Variants in RGS9 observed in about 807,000 individuals in gnomAD.
The protein encoded by RGS9 is regulator of G-protein signalling 9.
In RGS9, 78 loss-of-function variants were observed where a neutral mutation model predicts 102.0. That is an observed-to-expected ratio of 0.76 (90% confidence interval 0.64 to 0.92). The LOEUF is 0.92. RGS9 is among the 40% of genes least tolerant of loss of function. The pLI is 0.00. For missense variants in RGS9, 833 were observed against 866.1 expected, an observed-to-expected ratio of 0.96 and a Z score of 0.48; for synonymous variants, 353 against 318.6, an observed-to-expected ratio of 1.11 and a Z score of -1.15.
chr17:65,185,991 G>A (rs537046970), intron 9 of RGS9, among the ~76,000 whole-genome samples: 6 of 152,078 alleles, frequency 3.9e-5, no homozygotes, highest in South Asian at 4.1e-4. Flanking sequence ...AACAGTGGCC[G>A]ACAGGCAGAA....
intron 17 of RGS9, 132 bp downstream of exon 17, chr17:65,210,737 G>C (rs1014786657): frequency 1.4e-6 from 2 of 1,474,960 alleles, no homozygotes; most frequent in African/African-American, 2.8e-5. Flanking sequence ...AGTCTAGAAG[G>C]TTCCATTCCC....
intron 12 of RGS9, among the ~76,000 whole-genome samples, chr17:65,196,567 G>A (rs934709713): frequency 6.6e-6 from 1 of 152,232 alleles, no homozygotes; most frequent in Non-Finnish European, 1.5e-5. Flanking sequence ...CTTAGAGGAA[G>A]CCCTGAAAGG....
chr17:65,189,119 T>C, intron 9 of RGS9, 167 bp from the exon 10 acceptor site: 1 of 641,538 alleles, frequency 1.6e-6, no homozygotes, highest in East Asian at 2.7e-5. Flanking sequence ...TCCCCAGGGG[T>C]TACATAGAAT....
Position 65,227,355 on chromosome 17 carries a change from CG to C in RGS9, c.1976del (p.Gly659ValfsTer33). The part of the protein sequence containing the change: ...MDSEDAGTGE[S>X]GDRATEKEVI... ...TCGGAGGATGCTGGAACAGGAGAGT[CG>C]GGTGACCGGGCCACAGAAAAGGAGG... On this transcript the variant is annotated frameshift_variant, in exon 19 of 19. Transcript: ENST00000262406. LOFTEE classifies it high-confidence loss of function. The C allele has an allele frequency of 6.2e-7, 1 of 1,614,116 alleles. No individual in the cohort carries two copies. Among genetic ancestry groups the C allele is most frequent in the South Asian group, 1.1e-5 (1 of 91,066 alleles).
intron 2 of RGS9, among the ~76,000 whole-genome samples, chr17:65,156,303 A>T (rs1339663215): frequency 1.3e-5 from 2 of 152,184 alleles, no homozygotes; most frequent in East Asian, 3.9e-4. Context: ...GATTACAGGC[A>T]TGAGCCACCG....
intron 2 of RGS9, among the ~76,000 whole-genome samples, chr17:65,157,076 CCCTGCACCG>C (rs547320930): frequency 2.0e-3 from 303 of 152,230 alleles, no homozygotes; most frequent in Non-Finnish European, 3.2e-3. Flanking sequence ...GAAGAAATGT[CCCTGCACCG>C]CCTCCGAGGA....
intron 1 of RGS9, among the ~76,000 whole-genome samples, chr17:65,138,316 C>A (rs1265546971): frequency 6.6e-6 from 1 of 152,132 alleles, no homozygotes; most frequent in African/African-American, 2.4e-5. Flanking sequence ...GGTCCCGGGT[C>A]ACATCTTTGT....
intron 9 of RGS9, among the ~76,000 whole-genome samples, chr17:65,184,573 G>A (rs1912029860): frequency 6.6e-6 from 1 of 152,052 alleles, no homozygotes. Context: ...GAGATGCTGA[G>A]CAACTCATCC....
chr17:65,220,238 G>A (rs1913655714), intron 17 of RGS9, among the ~76,000 whole-genome samples: 1 of 152,120 alleles, frequency 6.6e-6, no homozygotes, highest in Non-Finnish European at 1.5e-5. Flanking sequence ...TTAAAACATT[G>A]TCATCTCAAA....
At chr17:65,149,074 G>C (rs1910478889) in intron 1 of RGS9, among the ~76,000 whole-genome samples, 1 of 151,820 alleles carries the variant, frequency 6.6e-6, no homozygotes, top group South Asian at 2.1e-4. Flanking sequence ...CGATTTTCCT[G>C]CCTCAGCCTC....
intron 1 of RGS9, among the ~76,000 whole-genome samples, chr17:65,143,793 C>CA (rs61423689): frequency 0.19 from 18,420 of 96,854 alleles, 1,625 homozygotes; most frequent in Middle Eastern, 0.33. Flanking sequence ...GACTCTGTCT[C>CA]AAAAAAAAAA....
chr17:65,188,328 C>G (rs1180310430), intron 9 of RGS9, among the ~76,000 whole-genome samples: 1 of 152,192 alleles, frequency 6.6e-6, no homozygotes, highest in Non-Finnish European at 1.5e-5. Flanking sequence ...TGAAGCTTAT[C>G]CCCAGTATGA....
intron 16 of RGS9, among the ~76,000 whole-genome samples, chr17:65,210,121 A>G (rs903578776): frequency 1.3e-5 from 2 of 152,122 alleles, no homozygotes; most frequent in African/African-American, 4.8e-5. Flanking sequence ...AAGAAAATAA[A>G]CAAATGCTCC....
chr17:65,143,406 A>T (rs1025818981), intron 1 of RGS9, among the ~76,000 whole-genome samples: 1 of 152,194 alleles, frequency 6.6e-6, no homozygotes, highest in South Asian at 2.1e-4. Context: ...GGCAGGATTG[A>T]GTGGGCAGAG....
Position 65,177,875 on chromosome 17 carries a change from A to G in RGS9, c.654+72A>G, listed in dbSNP as rs1911708972. On this transcript the variant is annotated intron_variant, in intron 9 of 18. Coordinates refer to ENST00000262406, the MANE Select transcript of RGS9 (RefSeq NM_003835.4). Reference sequence around the variant, plus strand: ...GGGCTGGGAAGGTGTCCACATGTCTATTCGTGTCTGTTAGGGCAACGATAT... The same window carrying G: ...GGGCTGGGAAGGTGTCCACATGTCTGTTCGTGTCTGTTAGGGCAACGATAT... The G allele has an allele frequency of 5.8e-6, 7 of 1,205,998 alleles. No homozygotes were observed. In the South Asian group the frequency reaches 6.0e-5, roughly 10 times the overall value. 74.7% of individuals were successfully genotyped at this position (1,205,998 alleles called of 1,614,324 possible). A position where few individuals can be genotyped will look rare whatever the true frequency, so the allele number is the denominator to read the frequency against.
At chr17:65,139,587 C>T (rs1446577128) in intron 1 of RGS9, among the ~76,000 whole-genome samples, 1 of 152,162 alleles carries the variant, frequency 6.6e-6, no homozygotes, top group African/African-American at 2.4e-5. Context: ...GGTCCGTCTG[C>T]TGGGAAAGTC....
In RGS9 at chr17:65,190,733, C is replaced by T. The variant is rs60834261; in HGVS notation, c.746+497C>T. 1.5e-3 allele frequency among the ~76,000 whole-genome samples: 225 copies of T among 152,326 alleles called. 4 individuals carry two copies. The East Asian group carries it at 0.041, about 28-fold the overall frequency. ...TTCTGGCTACCTTGACCCAGCCCCCCATAGGACATCATCTAGGAGACAAGA... is the reference window on the plus strand; with the variant it reads ...TTCTGGCTACCTTGACCCAGCCCCCTATAGGACATCATCTAGGAGACAAGA... On this transcript the variant is annotated intron_variant, in intron 11 of 18. Coordinates refer to ENST00000262406, the MANE Select transcript of RGS9 (RefSeq NM_003835.4).
At position 65,158,357 on chromosome 17, in the gene RGS9, T is replaced by A; in HGVS notation, c.205+12T>A. 1 of 1,612,942 alleles carries A rather than the reference T, an allele frequency of 6.2e-7. No individual in the cohort carries two copies. Among genetic ancestry groups the A allele is most frequent in the Non-Finnish European group, 8.5e-7 (1 of 1,178,944 alleles). ...GATCTCCAGTCTGGGTGAGAGCTCA[T>A]CTGGCACTCAGTTATCCGGGACAGC... is the stretch of plus-strand genomic sequence containing the variant. On this transcript the variant is annotated intron_variant, in intron 3 of 18. Coordinates refer to ENST00000262406, the MANE Select transcript of RGS9 (RefSeq NM_003835.4).
At chr17:65,156,691 G>A (rs956310070) in intron 2 of RGS9, among the ~76,000 whole-genome samples, 1 of 152,206 alleles carries the variant, frequency 6.6e-6, no homozygotes, top group Non-Finnish European at 1.5e-5. Context: ...CAGTCAAGTG[G>A]ATGAGAAAGC....
Sources: gnomAD v4.1 joint callset for allele counts (sites outside exome capture counted in the v4.1 genomes callset) on GRCh38, gnomAD v4.1.1 for gene constraint, MANE v1.5 for transcripts, NCBI Gene and HGNC (gene_info 2026-07-23, HGNC 2026-07-21) for gene names.